The following DAG1 variants were observed in gnomAD, a reference collection of about 807,000 sequenced individuals.
The protein encoded by DAG1 is dystroglycan 1 (dystrophin-associated glycoprotein 1).
In DAG1, 8 loss-of-function variants were observed where a neutral mutation model predicts 46.1. That is an observed-to-expected ratio of 0.17 (90% CI 0.10 to 0.31). The LOEUF is 0.31. Ranked by LOEUF, DAG1 falls within the 10% of genes least tolerant of loss-of-function variation. The probability of loss-of-function intolerance (pLI) is 1.00; values close to 1 mark genes in which losing one functional copy is unlikely to be tolerated. For missense variants in DAG1, 1,003 were observed against 1,189.9 expected (o/e 0.84, Z 2.31); for synonymous variants, 495 against 481.8 (o/e 1.03, Z -0.36).
chr3:49,528,574 C>T (rs963167952), intron 2 of DAG1, among the ~76,000 whole-genome samples: 2 of 151,926 alleles, frequency 1.3e-5, no homozygotes, highest in Non-Finnish European at 2.9e-5. Flanking sequence ...CATGAGCCAC[C>T]ACGCCCAGCC....
At chr3:49,487,344 A>T (rs1490565515) in intron 1 of DAG1, 1 of 152,270 alleles carries the variant, frequency 6.6e-6, no homozygotes, top group East Asian at 1.9e-4. Context: ...TGCAAGCTAC[A>T]GAACAGCTGG....
In DAG1 at chr3:49,532,736, A is replaced by G; in HGVS notation, c.2225A>G (p.Glu742Gly). Residue 742 changes from glutamate to glycine, a missense_variant, in exon 3 of 3, where the codon GAG becomes GGG. Coordinates refer to ENST00000308775, the MANE Select transcript of DAG1 (RefSeq NM_004393.6). The surrounding 1 kb of genome is among the most constrained non-coding windows in gnomAD (Gnocchi z 5.4). ...ACAGAAGTGCCTGACAGGGACCCTG[A>G]GAAGAGCAGTGAGGATGATGTCTAC... ...PPTEVPDRDPEKSSEDDVYLH... is the reference protein window; with the variant it reads ...PPTEVPDRDPGKSSEDDVYLH... The G allele has an allele frequency of 1.2e-6, 2 of 1,614,168 alleles. No homozygotes were observed. Among genetic ancestry groups the G allele is most frequent in the Non-Finnish European group, 1.7e-6 (2 of 1,180,038 alleles).
At chr3:49,518,558 T>A (rs2050952031) in intron 2 of DAG1, among the ~76,000 whole-genome samples, 1 of 152,182 alleles carries the variant, frequency 6.6e-6, no homozygotes, top group African/African-American at 2.4e-5. Flanking sequence ...GTCAGGAGAA[T>A]AAAGAAGGGA....
chr3:49,483,685 G>GT (rs35904956), intron 1 of DAG1, among the ~76,000 whole-genome samples: 70,694 of 151,910 alleles, frequency 0.47, 18,202 homozygotes, highest in Middle Eastern at 0.58. Flanking sequence ...TGTTTTCTTT[G>GT]TTTTTTGAGA....
intron 1 of DAG1, among the ~76,000 whole-genome samples, chr3:49,476,495 G>GCAGGAAAATTGCCTGAAC (rs1257947671): frequency 6.6e-6 from 1 of 152,168 alleles, no homozygotes; most frequent in Non-Finnish European, 1.5e-5. Flanking sequence ...GTAGGCTGAG[G>GCAGGAAAATTGCCTGAAC]CAGGAAAATT....
chr3:49,525,048 CCACT>C (rs2051130231), intron 2 of DAG1, among the ~76,000 whole-genome samples: 1 of 152,082 alleles, frequency 6.6e-6, no homozygotes, highest in Admixed American at 6.6e-5. Context: ...GTCACCAGTA[CCACT>C]CAAAGTGCTG....
rs1172654035 is a variant in DAG1 at position 49,516,987 on chromosome 3, CT to C, written c.285+6188del. On this transcript the variant is annotated intron_variant, in intron 2 of 2. Transcript: ENST00000308775. ...TAGTTTGTAGGGAGCACCCAAGAGG[CT>C]TTTTTTTTTTTTTTTTTTTAATTGA... is the stretch of plus-strand genomic sequence containing the variant. 6.3e-3 allele frequency among the ~76,000 whole-genome samples: 496 copies of C among 78,442 alleles called. 4 individuals are homozygous for C. Among genetic ancestry groups the C allele is most frequent in the African/African-American group, 0.023 (463 of 20,516 alleles). 51.5% of individuals were successfully genotyped at this position (78,442 alleles called of 152,430 possible). A position where few individuals can be genotyped will look rare whatever the true frequency, so the allele number is the denominator to read the frequency against.
intron 1 of DAG1, among the ~76,000 whole-genome samples, chr3:49,502,049 C>T (rs1460417939): frequency 1.3e-5 from 2 of 152,108 alleles, no homozygotes; most frequent in African/African-American, 2.4e-5. Flanking sequence ...TGGCGCACAC[C>T]TGTAGTTCCA....
At chr3:49,475,125 A>G (rs1265112312) in intron 1 of DAG1, among the ~76,000 whole-genome samples, 1 of 138,036 alleles carries the variant, frequency 7.2e-6, no homozygotes, top group Non-Finnish European at 1.5e-5. Flanking sequence ...TTTTTTTAAG[A>G]TGGAGTTTCG....
rs140454570 is a variant in DAG1, at chr3:49,510,802, A to C, written c.268A>C (p.Ser90Arg). ...CATTCCAACAGATTTGATTGCCTCC[A>C]GTGGAGATATCATCAAGGTGAGACT... Reference protein sequence around the residue: ...VTIPTDLIASSGDIIKVSAAG... With the variant: ...VTIPTDLIASRGDIIKVSAAG... Residue 90 changes from serine to arginine, a missense_variant, in exon 2 of 3, where the codon AGT (serine) becomes CGT (arginine). By Grantham distance (110) the Ser-to-Arg change is moderately radical (BLOSUM62 -1). This residue lies in a region of DAG1 where 196 missense variants were observed against 239.1 expected (regional missense o/e 0.82). Transcript: ENST00000308775. 109 of 1,614,176 alleles carry C rather than the reference A, an allele frequency of 6.8e-5. 2 individuals carry two copies. In the South Asian group the frequency reaches 1.2e-3, roughly 17 times the overall value.
At chr3:49,471,816 G>A (rs990462633) in intron 1 of DAG1, among the ~76,000 whole-genome samples, 10 of 152,190 alleles carry the variant, frequency 6.6e-5, no homozygotes, top group Non-Finnish European at 1.3e-4. Context: ...AAAAGAGTCT[G>A]CTTCTGCCCT....
At chr3:49,521,308 C>T (rs900474223) in intron 2 of DAG1, among the ~76,000 whole-genome samples, 4 of 151,998 alleles carry the variant, frequency 2.6e-5, no homozygotes, top group Non-Finnish European at 2.9e-5. Context: ...GGACTACAGG[C>T]ACCCGCCACC....
chr3:49,530,150 A>ATTT (rs1222808130), intron 2 of DAG1, among the ~76,000 whole-genome samples: 2 of 152,122 alleles, frequency 1.3e-5, no homozygotes, highest in African/African-American at 4.8e-5. Context: ...TTGTCTTGAG[A>ATTT]TTTGAGAAGC....
At position 49,510,539 on chromosome 3, in the gene DAG1, G is replaced by C. The variant is rs781269339; in HGVS notation, c.5G>C (p.Arg2Thr). 2 of 1,613,060 alleles carry C rather than the reference G, an allele frequency of 1.2e-6. No homozygotes were observed. Among genetic ancestry groups the C allele is most frequent in the Non-Finnish European group, 8.5e-7 (1 of 1,180,004 alleles). The change falls in exon 2 of 3, where the codon AGG becomes ACG. Residue 2 changes from arginine (R) to threonine (T), a missense_variant. Coordinates refer to ENST00000308775, the MANE Select transcript of DAG1 (RefSeq NM_004393.6). The part of the protein sequence containing the change: M[R>T]MSVGLSLLLP... ...TTGAGCAAACTTGGACCTGGGATGA[G>C]GATGTCTGTGGGCCTCTCGCTGCTG...
intron 1 of DAG1, among the ~76,000 whole-genome samples, chr3:49,478,506 G>A (rs182320407): frequency 1.4e-5 from 2 of 147,884 alleles, no homozygotes; most frequent in African/African-American, 4.9e-5. Flanking sequence ...GCTGAGGTGG[G>A]GGCATCTTTT....
Position 49,531,070 on chromosome 3 carries a change from C to A in DAG1, c.559C>A (p.Pro187Thr). 1 of 1,614,148 alleles carries A rather than the reference C, an allele frequency of 6.2e-7. No homozygotes were observed. The highest frequency in any genetic ancestry group is 1.1e-5 in the South Asian group (1 of 91,086). Reference protein sequence around the residue: ...VVSSACAADEPVTVLTVILDA... With the variant: ...VVSSACAADETVTVLTVILDA... ...ATCATCTGCCTGTGCTGCGGATGAA[C>A]CTGTGACTGTTTTGACGGTGATTTT... Residue 187 changes from proline (P) to threonine (T), a missense_variant, in exon 3 of 3, where the codon CCT becomes ACT. Physicochemically the swap from Pro to Thr is conservative, Grantham distance 38 (BLOSUM62 -1). Coordinates refer to ENST00000308775, the MANE Select transcript of DAG1 (RefSeq NM_004393.6). The surrounding 1 kb of genome is among the most constrained non-coding windows in gnomAD (Gnocchi z 7.0).
intron 1 of DAG1, among the ~76,000 whole-genome samples, chr3:49,496,433 C>T (rs372686939): frequency 8.6e-5 from 13 of 150,994 alleles, no homozygotes; most frequent in Admixed American, 2.0e-4. Flanking sequence ...TCTCGGCTCA[C>T]CACAACCTCC....
chr3:49,530,762 A>G (rs564154850), intron 2 of DAG1, 35 bp from the exon 3 acceptor site: 18 of 1,614,006 alleles, frequency 1.1e-5, no homozygotes, highest in Non-Finnish European at 1.4e-5. Flanking sequence ...TGCAGTGACA[A>G]TAGTATTTTT....
chr3:49,514,867 A>G (rs897241850), intron 2 of DAG1, among the ~76,000 whole-genome samples: 2 of 150,788 alleles, frequency 1.3e-5, no homozygotes, highest in East Asian at 3.9e-4. Context: ...ACACATATAT[A>G]TATATTTTTT....
Sources: gnomAD v4.1 joint callset for allele counts (sites outside exome capture counted in the v4.1 genomes callset) on GRCh38, gnomAD v4.1.1 for gene constraint, gnomAD v4.1.1 regional missense constraint, Gnocchi (gnomAD v3.1) non-coding constraint, MANE v1.5 for transcripts, NCBI Gene and HGNC (gene_info 2026-07-23, HGNC 2026-07-21) for gene names.